Variants in TAB2 observed in about 807,000 individuals in gnomAD.
TAB2 encodes TGF-beta activated kinase 1 (MAP3K7) binding protein 2, also known as TGF-beta-activated kinase 1 and MAP3K7-binding protein 2.
A neutral mutation model predicts 65.0 loss-of-function variants in TAB2; 3 were observed. The ratio of observed to expected loss-of-function variants is 0.05; its 90% CI spans 0.02 to 0.12. The LOEUF (loss-of-function observed/expected upper bound fraction) is 0.12, where lower values mean the gene tolerates loss of function less well. Ranked by LOEUF, TAB2 falls within the 10% of genes least tolerant of loss-of-function variation. The probability of loss-of-function intolerance (pLI) is 1.00; values close to 1 mark genes in which losing one functional copy is unlikely to be tolerated. For missense variants in TAB2, 623 were observed against 840.3 expected (o/e 0.74, Z 3.20); for synonymous variants, 298 against 285.1 (o/e 1.05, Z -0.46).
chr6:149,307,149 G>A (rs1050806645), intron 1 of TAB2, among the ~76,000 whole-genome samples: 9 of 152,010 alleles, frequency 5.9e-5, no homozygotes, highest in Admixed American at 6.6e-5. Flanking sequence ...GAACAATTCC[G>A]TTGCAAATAT....
At chr6:149,320,172 G>A (rs2114725244) in intron 1 of TAB2, among the ~76,000 whole-genome samples, 2 of 152,284 alleles carry the variant, frequency 1.3e-5, no homozygotes, top group South Asian at 4.1e-4. Context: ...TGCCTCCCGG[G>A]TTCAAGGGAT....
intron 1 of TAB2, among the ~76,000 whole-genome samples, chr6:149,219,236 T>C (rs1353023685): frequency 1.3e-5 from 2 of 152,138 alleles, no homozygotes; most frequent in African/African-American, 4.8e-5. Flanking sequence ...AAGGCCACCA[T>C]TTCCCATAGT....
intron 1 of TAB2, among the ~76,000 whole-genome samples, chr6:149,283,798 T>C (rs969335004): frequency 7.9e-5 from 12 of 152,114 alleles, no homozygotes; most frequent in Admixed American, 3.9e-4. Flanking sequence ...TAGAGTTGAA[T>C]AGGGCTGGGT....
At chr6:149,271,157 A>G (rs187112336) in intron 1 of TAB2, among the ~76,000 whole-genome samples, 11 of 152,178 alleles carry the variant, frequency 7.2e-5, no homozygotes, top group East Asian at 1.9e-4. Flanking sequence ...GCAGTGAGCT[A>G]TGATTGCCCC....
intron 1 of TAB2, among the ~76,000 whole-genome samples, chr6:149,274,723 C>T (rs1292123900): frequency 6.6e-6 from 1 of 152,162 alleles, no homozygotes; most frequent in African/African-American, 2.4e-5. Context: ...AAGTGAGGAC[C>T]AAGGCAATGC....
At chr6:149,340,478 GT>G (rs1169661798) in intron 1 of TAB2, among the ~76,000 whole-genome samples, 1 of 152,048 alleles carries the variant, frequency 6.6e-6, no homozygotes, top group Non-Finnish European at 1.5e-5. Flanking sequence ...TACTTAATAT[GT>G]TTTTTTAAAA....
At chr6:149,351,296 T>A (rs1048120222) in intron 1 of TAB2, among the ~76,000 whole-genome samples, 1 of 152,182 alleles carries the variant, frequency 6.6e-6, no homozygotes, top group Non-Finnish European at 1.5e-5. Flanking sequence ...AAAGGCTCAA[T>A]CCACTCCTAC....
chr6:149,340,867 T>A (rs1780099366), intron 1 of TAB2, among the ~76,000 whole-genome samples: 1 of 152,178 alleles, frequency 6.6e-6, no homozygotes, highest in African/African-American at 2.4e-5. Flanking sequence ...AATCATTTTT[T>A]AAAATTCCTT....
At chr6:149,315,131 T>C (rs1289526261), upstream of TAB2, among the ~76,000 whole-genome samples, 1 of 152,200 alleles carries the variant, frequency 6.6e-6, no homozygotes, top group African/African-American at 2.4e-5. Flanking sequence ...TGTAAAAGGA[T>C]CTATCATCTC....
intron 6 of TAB2, among the ~76,000 whole-genome samples, chr6:149,403,349 C>CATATAT (rs1562456640): frequency 4.5e-5 from 4 of 89,356 alleles, no homozygotes; most frequent in African/African-American, 2.0e-4. Flanking sequence ...TACACACACA[C>CATATAT]ACACACACAC....
chr6:149,236,960 G>A (rs958239693), intron 1 of TAB2, among the ~76,000 whole-genome samples: 3 of 152,168 alleles, frequency 2.0e-5, no homozygotes, highest in African/African-American at 7.2e-5. Flanking sequence ...GGTCCAACAT[G>A]CCACAGCAGA....
At chr6:149,268,640 A>G (rs1247285683) in intron 1 of TAB2, among the ~76,000 whole-genome samples, 1 of 152,220 alleles carries the variant, frequency 6.6e-6, no homozygotes, top group Non-Finnish European at 1.5e-5. Context: ...GTCTTTGCAT[A>G]CATGGAGAAC....
At chr6:149,304,711 G>A (rs1316848889) in intron 1 of TAB2, among the ~76,000 whole-genome samples, 1 of 152,230 alleles carries the variant, frequency 6.6e-6, no homozygotes, top group South Asian at 2.1e-4. Context: ...ACCATTATCA[G>A]GATTGCCTCT....
In TAB2 at chr6:149,410,898, G is replaced by C. The variant is rs947832608; in HGVS notation, c.*1179G>C. 6.6e-6 allele frequency: 1 copy of C among 152,424 alleles called. No homozygotes were observed. The highest frequency in any genetic ancestry group is 2.4e-5 in the African/African-American group (1 of 41,412). 9.4% of individuals were successfully genotyped at this position (152,424 alleles called of 1,614,324 possible). A position where few individuals can be genotyped will look rare whatever the true frequency, so the allele number is the denominator to read the frequency against. ...CAGTACCTACAGCCCTTTTTTTGGA[G>C]AGAAGTTTAAATGCTTTACTGTTGG... On this transcript the variant is annotated 3_prime_UTR_variant, in exon 7 of 7. Transcript: ENST00000637181.
At chr6:149,225,085 A>G (rs1306628905) in intron 1 of TAB2, among the ~76,000 whole-genome samples, 1 of 152,216 alleles carries the variant, frequency 6.6e-6, no homozygotes, top group African/African-American at 2.4e-5. Flanking sequence ...TGGGACTGCA[A>G]TTTGCTACAG....
chr6:149,253,046 T>C (rs1273973638), intron 1 of TAB2: 1 of 152,194 alleles, frequency 6.6e-6, no homozygotes, highest in Non-Finnish European at 1.5e-5. Flanking sequence ...TGGGATTTTC[T>C]CATTGTTTGT....
chr6:149,285,586 A>G (rs1388111553), intron 1 of TAB2, among the ~76,000 whole-genome samples: 1 of 152,352 alleles, frequency 6.6e-6, no homozygotes, highest in East Asian at 1.9e-4. Flanking sequence ...CTTGTGTGAT[A>G]CTTACATACC....
chr6:149,320,491 T>C (rs1900300), intron 1 of TAB2, among the ~76,000 whole-genome samples: 66,440 of 152,068 alleles, frequency 0.44, 15,187 homozygotes, highest in Middle Eastern at 0.57. Context: ...AAGTTTATTC[T>C]ACATCCGTAA....
intron 2 of TAB2, among the ~76,000 whole-genome samples, chr6:149,372,106 A>G (rs1340844223): frequency 1.3e-5 from 2 of 152,230 alleles, no homozygotes; most frequent in Non-Finnish European, 2.9e-5. Context: ...TACATATAGT[A>G]CAGGTATAGA....
Sources: allele counts gnomAD v4.1 joint callset (sites outside exome capture counted in the v4.1 genomes callset), GRCh38; gene constraint gnomAD v4.1.1; transcripts MANE v1.5; gene names NCBI Gene and HGNC (gene_info 2026-07-23, HGNC 2026-07-21).